NCBP3: variants seen among roughly 807,000 people sequenced by gnomAD.
NCBP3 encodes the protein nuclear cap-binding protein subunit 3.
A neutral mutation model predicts 75.7 loss-of-function variants in NCBP3; 20 were observed. The ratio of observed to expected loss-of-function variants is 0.26; its 90% CI spans 0.19 to 0.38. The LOEUF is 0.38. Ranked by LOEUF, NCBP3 falls within the 10% of genes least tolerant of loss-of-function variation. The probability of loss-of-function intolerance (pLI) is 1.00; values close to 1 mark genes in which losing one functional copy is unlikely to be tolerated. For missense variants in NCBP3, 678 were observed against 796.9 expected (o/e 0.85, Z 1.80); for synonymous variants, 293 against 290.5 (o/e 1.01, Z -0.09).
chr17:3,813,037 A>C lies in NCBP3; in HGVS notation c.*7T>G. 1 of 1,614,126 alleles carries C rather than the reference A, an allele frequency of 6.2e-7. No individual in the cohort carries two copies. Among genetic ancestry groups the C allele is most frequent in the Non-Finnish European group, 8.5e-7 (1 of 1,179,986 alleles). On this transcript the variant is annotated 3_prime_UTR_variant, in exon 13 of 13. Coordinates refer to ENST00000389005, the MANE Select transcript of NCBP3 (RefSeq NM_001114118.3). ...CTTTAGGGCAGCTGCCATAGGCCCC[A>C]GGGGCATCAGGACTCTGCCTCTGAA... is the stretch of plus-strand genomic sequence containing the variant.
intron 7 of NCBP3, 38 bp from the exon 8 acceptor site, chr17:3,822,090 T>C: frequency 5.1e-6 from 7 of 1,364,340 alleles, no homozygotes; most frequent in Non-Finnish European, 7.3e-6. Flanking sequence ...GGATTTCCTG[T>C]GAGTGTAAAG....
chr17:3,829,929 TG>T (rs1381325225), intron 3 of NCBP3, among the ~76,000 whole-genome samples: 2 of 151,250 alleles, frequency 1.3e-5, no homozygotes, highest in Non-Finnish European at 3.0e-5. Flanking sequence ...TATGAGGAGA[TG>T]GGTTGACCTC....
chr17:3,833,061 G>A (rs2053912582), intron 3 of NCBP3, among the ~76,000 whole-genome samples: 1 of 152,106 alleles, frequency 6.6e-6, no homozygotes, highest in South Asian at 2.1e-4. Context: ...AGGCCAGCCT[G>A]GGTAACACAG....
In NCBP3 at chr17:3,846,174, G is replaced by A. The variant is rs555993250; in HGVS notation, c.50C>T (p.Ala17Val). The A allele has an allele frequency of 3.6e-5, 55 of 1,521,898 alleles. No homozygotes were observed. The highest frequency in any genetic ancestry group is 1.5e-4 in the Admixed American group (7 of 47,178). The allele number at this position is 1,521,898 out of a possible 1,614,324, so 94.3% of individuals were successfully genotyped here. ...GGACGGGAGCCCCAGGGCCGGCCCCGCCGGGGCCTCCGCCTTCACCGACAC... is the reference window on the plus strand; with the variant it reads ...GGACGGGAGCCCCAGGGCCGGCCCCACCGGGGCCTCCGCCTTCACCGACAC... ...LRVSVKAEAP[A>V]GPALGLPSPE... Residue 17 changes from alanine (A) to valine (V), a missense_variant, in exon 1 of 13, where the codon GCG (alanine) becomes GTG (valine). Ala to Val is a moderately conservative substitution (Grantham distance 64). Coordinates refer to ENST00000389005, the MANE Select transcript of NCBP3 (RefSeq NM_001114118.3). The surrounding 1 kb of genome is among the most constrained non-coding windows in gnomAD (Gnocchi z 4.6).
chr17:3,833,525 G>A (rs1056320715), intron 3 of NCBP3, among the ~76,000 whole-genome samples: 13 of 151,904 alleles, frequency 8.6e-5, no homozygotes, highest in Admixed American at 2.6e-4. Context: ...AGACATGTGA[G>A]GCTGGGTGCA....
chr17:3,814,576 C>T, intron 11 of NCBP3, 93 bp from the exon 12 acceptor site: 3 of 1,354,804 alleles, frequency 2.2e-6, no homozygotes, highest in South Asian at 1.4e-5. Context: ...GGCGCTAACC[C>T]CTGCCCCGAG....
Position 3,806,919 on chromosome 17 carries a change from GCTT to G in NCBP3, c.*6122_*6124del, listed in dbSNP as rs1415603194. 6.6e-6 allele frequency: 1 copy of G among 152,132 alleles called. No homozygotes were observed. 9.4% of individuals were successfully genotyped at this position (152,132 alleles called of 1,614,324 possible). A position where few individuals can be genotyped will look rare whatever the true frequency, so the allele number is the denominator to read the frequency against. On this transcript the variant is annotated 3_prime_UTR_variant, in exon 13 of 13. Transcript: ENST00000389005. ...AACATGGTTTAACTTCTAATTTACT[GCTT>G]ATTATAAGGTTTAAAAGCAATTACT...
At chr17:3,817,746 T>C (rs1293391449) in intron 10 of NCBP3, among the ~76,000 whole-genome samples, 1 of 152,224 alleles carries the variant, frequency 6.6e-6, no homozygotes, top group East Asian at 1.9e-4. Context: ...TTTATTGAGT[T>C]AGTGCAATTG....
At chr17:3,829,695 GT>G (rs2053844988) in intron 3 of NCBP3, among the ~76,000 whole-genome samples, 1 of 152,206 alleles carries the variant, frequency 6.6e-6, no homozygotes, top group Non-Finnish European at 1.5e-5. Context: ...ATTTGTTGAA[GT>G]TAGCCAGCTG....
intron 12 of NCBP3, among the ~76,000 whole-genome samples, chr17:3,813,486 C>T (rs542698277): frequency 7.9e-5 from 12 of 152,234 alleles, no homozygotes; most frequent in South Asian, 2.1e-4. Context: ...GGACCCAGCA[C>T]GGGATTCTCA....
chr17:3,838,771 G>A (rs1002377813), intron 3 of NCBP3, among the ~76,000 whole-genome samples: 4 of 152,042 alleles, frequency 2.6e-5, no homozygotes, highest in East Asian at 1.9e-4. Context: ...TATAAAATAG[G>A]GATAAAAATA....
intron 3 of NCBP3, among the ~76,000 whole-genome samples, chr17:3,832,877 C>G (rs1317220976): frequency 1.3e-5 from 2 of 151,844 alleles, no homozygotes; most frequent in Admixed American, 6.6e-5. Context: ...TAACATGAGC[C>G]CATGTAAGTG....
At chr17:3,845,938 T>G in intron 1 of NCBP3, 103 bp downstream of exon 1, 1 of 1,340,444 alleles carries the variant, frequency 7.5e-7, no homozygotes, top group Non-Finnish European at 1.0e-6. Context: ...CCCGCTCCCT[T>G]GACTTCCCCG....
intron 11 of NCBP3, among the ~76,000 whole-genome samples, chr17:3,814,792 C>A (rs544182801): frequency 6.6e-6 from 1 of 151,054 alleles, no homozygotes; most frequent in Admixed American, 6.6e-5. Flanking sequence ...TTTCAGCGAA[C>A]AAAAAATCCT....
chr17:3,836,709 CTG>C (rs2053978559), intron 3 of NCBP3, among the ~76,000 whole-genome samples: 1 of 147,636 alleles, frequency 6.8e-6, no homozygotes, highest in Non-Finnish European at 1.5e-5. Context: ...GATAAGGAAA[CTG>C]AGATTTTTAG....
At chr17:3,841,602 C>CTTTTT (rs373561293) in intron 2 of NCBP3, among the ~76,000 whole-genome samples, 1,216 of 117,910 alleles carry the variant, frequency 0.01, 21 homozygotes, top group African/African-American at 0.037. Context: ...AATTCTCTCT[C>CTTTTT]TTTTTTTTTT....
Position 3,809,786 on chromosome 17 carries a change from A to T in NCBP3, c.*3258T>A, listed in dbSNP as rs2143621934. 6.6e-6 allele frequency: 1 copy of T among 152,358 alleles called. No individual in the cohort carries two copies. Among genetic ancestry groups the T allele is most frequent in the Middle Eastern group, 3.4e-3 (1 of 294 alleles). The allele number at this position is 152,358 out of a possible 1,614,324, so 9.4% of individuals were successfully genotyped here. Reference sequence around the variant, plus strand: ...CTCAAATGCCCATTAACCAATGTGGATTAAAAAAAAGGTGGCATACCCATA... The same window carrying T: ...CTCAAATGCCCATTAACCAATGTGGTTTAAAAAAAAGGTGGCATACCCATA... On this transcript the variant is annotated 3_prime_UTR_variant, in exon 13 of 13. Transcript: ENST00000389005.
chr17:3,814,033 T>C (rs924144689), intron 12 of NCBP3, among the ~76,000 whole-genome samples: 6 of 152,186 alleles, frequency 3.9e-5, no homozygotes, highest in Non-Finnish European at 7.3e-5. Flanking sequence ...ATGAAAAAAC[T>C]AGGATTTGTA....
At chr17:3,829,932 G>A (rs545492876) in intron 3 of NCBP3, among the ~76,000 whole-genome samples, 2 of 152,020 alleles carry the variant, frequency 1.3e-5, no homozygotes, top group Non-Finnish European at 2.9e-5. Flanking sequence ...GAGGAGATGG[G>A]TTGACCTCAC....
Sources: allele counts gnomAD v4.1 joint callset (sites outside exome capture counted in the v4.1 genomes callset), GRCh38; gene constraint gnomAD v4.1.1; non-coding constraint Gnocchi (gnomAD v3.1); transcripts MANE v1.5; gene names NCBI Gene and HGNC (gene_info 2026-07-23, HGNC 2026-07-21).